Variants in ENOSF1 observed in about 807,000 individuals in gnomAD.
ENOSF1 encodes the protein mitochondrial enolase superfamily member 1.
A neutral mutation model predicts 68.2 loss-of-function variants in ENOSF1; 73 were observed. That is an observed-to-expected ratio of 1.07 (90% CI 0.89 to 1.30). ENOSF1 has a LOEUF of 1.30. Among genes scored for constraint, ENOSF1 ranks in the 50% most tolerant of loss-of-function variants. The probability of loss-of-function intolerance (pLI) is 0.00; values close to 1 mark genes in which losing one functional copy is unlikely to be tolerated. For missense variants in ENOSF1, 589 were observed against 554.5 expected, an observed-to-expected ratio of 1.06 and a Z score of -0.62; for synonymous variants, 223 against 210.4, an observed-to-expected ratio of 1.06 and a Z score of -0.52.
chr18:674,491 G>A (rs2075271083), intron 15 of ENOSF1, 85 bp from the exon 16 acceptor site: 3 of 852,770 alleles, frequency 3.5e-6, no homozygotes, highest in African/African-American at 1.8e-5. Context: ...TCCAAGAAAT[G>A]CTTTTACGTC....
chr18:689,026 T>C (rs1374410983), intron 8 of ENOSF1, among the ~76,000 whole-genome samples: 1 of 152,168 alleles, frequency 6.6e-6, no homozygotes, highest in African/African-American at 2.4e-5. Flanking sequence ...CTGCATGCCA[T>C]GTGCCAGCCA....
At chr18:666,895 G>GA (rs113308436), downstream of ENOSF1, among the ~76,000 whole-genome samples, 4,317 of 48,932 alleles carry the variant, frequency 0.088, 369 homozygotes, top group African/African-American at 0.26. Flanking sequence ...TTCGGGAGAT[G>GA]GTGATGGAGA....
chr18:667,394 AGATGGTGATGGTGATGGT>A (rs1567990495), downstream of ENOSF1, among the ~76,000 whole-genome samples: 6 of 5,982 alleles, frequency 1.0e-3, no homozygotes, highest in East Asian at 0.012. Flanking sequence ...ATGGTGATGG[AGATGGTGATGGTGATGGT>A]GATGGTGATG....
In ENOSF1 at chr18:677,784, T is replaced by G. The variant is rs759183180; in HGVS notation, c.1007A>C (p.Asn336Thr). Reference protein sequence around the residue: ...QIDSCRLGSVNENLSVLLMAK... With the variant: ...QIDSCRLGSVTENLSVLLMAK... ...CATCAGCAATACTGAGAGGTTCTCATTGACACTGCCCAGTCTGCAACTGTC... is the reference window on the plus strand; with the variant it reads ...CATCAGCAATACTGAGAGGTTCTCAGTGACACTGCCCAGTCTGCAACTGTC... Residue 336 changes from asparagine (N) to threonine (T), a missense_variant, in exon 13 of 16, where the codon AAT becomes ACT. Coordinates refer to ENST00000647584, the MANE Select transcript of ENOSF1 (RefSeq NM_017512.7). The G allele has an allele frequency of 6.2e-7, 1 of 1,614,164 alleles. No individual in the cohort carries two copies. Among genetic ancestry groups the G allele is most frequent in the Non-Finnish European group, 8.5e-7 (1 of 1,180,028 alleles).
chr18:690,522 T>C (rs756661687), intron 8 of ENOSF1, 27 bp downstream of exon 8: 4 of 1,613,888 alleles, frequency 2.5e-6, no homozygotes, highest in Non-Finnish European at 3.4e-6. Flanking sequence ...CATTCAGCTG[T>C]CTACAAAGCC....
At chr18:685,856 G>T in intron 10 of ENOSF1, 65 bp downstream of exon 10, 3 of 1,238,636 alleles carry the variant, frequency 2.4e-6, no homozygotes, top group Non-Finnish European at 3.6e-6. Context: ...CTTTAATCTT[G>T]AAACGAGTTG....
chr18:703,805 T>C (rs1188697439), intron 2 of ENOSF1, among the ~76,000 whole-genome samples: 1 of 152,166 alleles, frequency 6.6e-6, no homozygotes, highest in African/African-American at 2.4e-5. Context: ...AGGTGGGGCC[T>C]GGTGGGAGGT....
intron 2 of ENOSF1, among the ~76,000 whole-genome samples, chr18:703,444 T>C (rs1339200716): frequency 6.6e-6 from 1 of 152,170 alleles, no homozygotes; most frequent in African/African-American, 2.4e-5. Flanking sequence ...GCTGTAGGGT[T>C]TGCAGTATGG....
At position 671,547 on chromosome 18, in the gene ENOSF1, A is replaced by T; in HGVS notation, c.*2758T>A. ...TCTGCTCAATGCTGTGTCCAAGATA[A>T]AGATGACTGCTCCAAATGTGGGGCT... On this transcript the variant is annotated 3_prime_UTR_variant, in exon 16 of 16. Coordinates refer to ENST00000647584, the MANE Select transcript of ENOSF1 (RefSeq NM_017512.7). 1.2e-6 allele frequency: 1 copy of T among 836,872 alleles called. No individual in the cohort carries two copies. The highest frequency in any genetic ancestry group is 2.0e-6 in the Non-Finnish European group (1 of 493,860). 51.8% of individuals were successfully genotyped at this position (836,872 alleles called of 1,614,324 possible).
At chr18:689,695 GC>G (rs1187291362) in intron 8 of ENOSF1, among the ~76,000 whole-genome samples, 1 of 152,010 alleles carries the variant, frequency 6.6e-6, no homozygotes, top group Non-Finnish European at 1.5e-5. Flanking sequence ...CCCCATCGCT[GC>G]CCCCCTATTT....
chr18:677,896 A>G, intron 12 of ENOSF1, 24 bp from the exon 13 acceptor site: 1 of 1,608,134 alleles, frequency 6.2e-7, no homozygotes, highest in Non-Finnish European at 8.5e-7. Flanking sequence ...TGAAAATAAC[A>G]CCAACAGAAG....
rs898176089 is a variant in ENOSF1 at position 670,446 on chromosome 18, C to G, written c.*3859G>C. On this transcript the variant is annotated 3_prime_UTR_variant, in exon 16 of 16. Coordinates refer to ENST00000647584, the MANE Select transcript of ENOSF1 (RefSeq NM_017512.7). ...CACGAGGTAGCCCAGATCCCTTCAG[C>G]TCTGATGGAAGAGCATTGCTTCAGC... 8.0e-6 allele frequency: 4 copies of G among 502,548 alleles called. No homozygotes were observed. Among genetic ancestry groups the G allele is most frequent in the Non-Finnish European group, 1.1e-5 (3 of 280,488 alleles). 31.1% of individuals were successfully genotyped at this position (502,548 alleles called of 1,614,324 possible). A position where few individuals can be genotyped will look rare whatever the true frequency, so the allele number is the denominator to read the frequency against.
At chr18:710,034 GATA>G (rs899725778) in intron 1 of ENOSF1, among the ~76,000 whole-genome samples, 3 of 152,182 alleles carry the variant, frequency 2.0e-5, no homozygotes, top group African/African-American at 7.2e-5. Context: ...ACAGGTGTTA[GATA>G]ATGTCTCCTT....
At chr18:688,781 T>C (rs770109053) in intron 8 of ENOSF1, among the ~76,000 whole-genome samples, 173 bp from the exon 9 acceptor site, 63 of 152,202 alleles carry the variant, frequency 4.1e-4, no homozygotes, top group Non-Finnish European at 8.5e-4. Flanking sequence ...AGATCACTTT[T>C]TACTTGTAGG....
At position 674,161 on chromosome 18, in the gene ENOSF1, TTAGC is replaced by T; in HGVS notation, c.*140_*143del. 4.8e-6 allele frequency: 3 copies of T among 629,004 alleles called. No individual in the cohort carries two copies. In the South Asian group the frequency reaches 6.1e-5, roughly 13 times the overall value. The allele number at this position is 629,004 out of a possible 1,614,324, so 39.0% of individuals were successfully genotyped here. ...GCTAAAAGAATCAAGTAATAATTACTTAGCTGATTCCTGAGGGTGGTATGACTTC... is the reference window on the plus strand; with the variant it reads ...GCTAAAAGAATCAAGTAATAATTACTTGATTCCTGAGGGTGGTATGACTTC... On this transcript the variant is annotated 3_prime_UTR_variant, in exon 16 of 16. Coordinates refer to ENST00000647584, the MANE Select transcript of ENOSF1 (RefSeq NM_017512.7).
chr18:711,148 C>A (rs2079486279), intron 1 of ENOSF1, among the ~76,000 whole-genome samples: 1 of 151,400 alleles, frequency 6.6e-6, no homozygotes, highest in African/African-American at 2.4e-5. Flanking sequence ...CCAGCTTGGG[C>A]AACAGATAAG....
chr18:679,810 C>T (rs781482587), intron 11 of ENOSF1, among the ~76,000 whole-genome samples: 18 of 152,156 alleles, frequency 1.2e-4, no homozygotes, highest in Non-Finnish European at 2.4e-4. Flanking sequence ...ACAGCTACTC[C>T]GCACAGGTAG....
intron 14 of ENOSF1, among the ~76,000 whole-genome samples, chr18:676,170 G>T (rs1245468636): frequency 6.6e-6 from 1 of 152,200 alleles, no homozygotes; most frequent in Non-Finnish European, 1.5e-5. Context: ...CCACTTTGTA[G>T]TTCTGAGGCT....
intron 10 of ENOSF1, among the ~76,000 whole-genome samples, chr18:684,147 C>T (rs1469180001): frequency 1.3e-5 from 2 of 151,960 alleles, no homozygotes; most frequent in Non-Finnish European, 2.9e-5. Flanking sequence ...GCGCCCACCA[C>T]CACACCAGGC....
Sources: allele counts gnomAD v4.1 joint callset (sites outside exome capture counted in the v4.1 genomes callset), GRCh38; gene constraint gnomAD v4.1.1; transcripts MANE v1.5; gene names NCBI Gene and HGNC (gene_info 2026-07-23, HGNC 2026-07-21).